Variants in TLE4 observed in about 807,000 individuals in gnomAD.
TLE4 encodes TLE family member 4, transcriptional corepressor, also known as transducin-like enhancer protein 4.
In TLE4, 8 loss-of-function variants were observed where a neutral mutation model predicts 92.8. The ratio of observed to expected loss-of-function variants is 0.09; its 90% CI spans 0.05 to 0.16. The LOEUF is 0.16. Among genes scored for constraint, TLE4 ranks in the 10% least tolerant of loss-of-function variants. The probability of loss-of-function intolerance (pLI) is 1.00; values close to 1 mark genes in which losing one functional copy is unlikely to be tolerated. For synonymous variants in TLE4, 371 were observed against 374.1 expected (o/e 0.99, Z 0.10); for missense variants, 675 against 997.6 (o/e 0.68, Z 4.36).
chr9:79,713,877 T>A (rs2073928681), intron 14 of TLE4, among the ~76,000 whole-genome samples: 1 of 152,022 alleles, frequency 6.6e-6, no homozygotes, highest in African/African-American at 2.4e-5. Context: ...TTGTTGTTGT[T>A]GTTTGAGAGA....
At chr9:79,689,902 C>T (rs2066699797) in intron 8 of TLE4, among the ~76,000 whole-genome samples, 1 of 152,172 alleles carries the variant, frequency 6.6e-6, no homozygotes, top group Non-Finnish European at 1.5e-5. Context: ...AGGCCACTTA[C>T]TTAAGCCTAC....
chr9:79,685,402 C>A (rs1360217993), intron 8 of TLE4, among the ~76,000 whole-genome samples: 2 of 151,982 alleles, frequency 1.3e-5, no homozygotes, highest in African/African-American at 4.8e-5. Flanking sequence ...ATTTAAAAAC[C>A]CCTCACATGA....
chr9:79,691,864 A>T (rs945272394), intron 8 of TLE4, among the ~76,000 whole-genome samples: 1 of 152,038 alleles, frequency 6.6e-6, no homozygotes, highest in Non-Finnish European at 1.5e-5. Flanking sequence ...CATTTATTTT[A>T]TTTTTTATTA....
chr9:79,600,675 CT>C (rs1192650346), intron 4 of TLE4, among the ~76,000 whole-genome samples: 1 of 152,122 alleles, frequency 6.6e-6, no homozygotes, highest in East Asian at 1.9e-4. Context: ...ACTCTTGGAC[CT>C]TGTTCAGAAG....
intron 1 of TLE4, chr9:79,573,339 G>C: frequency 1.8e-6 from 2 of 1,088,764 alleles, no homozygotes. Context: ...GCCATGGCGC[G>C]GGTCCCCCCG....
rs755567495 is a variant in TLE4 at position 79,572,808 on chromosome 9, C to T, written c.18C>T (p.Ser6=). ...CGGCTTGGATGATTCGCGACCTGAG[C>T]AAGATGTACCCGCAGACCAGACACC... MIRDL[S]KMYPQTRHPA... Residue 6 remains serine (S), a synonymous_variant, in exon 1 of 20, where the codon AGC becomes AGT. Coordinates refer to ENST00000376552, the MANE Select transcript of TLE4 (RefSeq NM_007005.6). 13 of 1,600,394 alleles carry T rather than the reference C, an allele frequency of 8.1e-6. No homozygotes were observed. Among genetic ancestry groups the T allele is most frequent in the Non-Finnish European group, 1.1e-5 (13 of 1,174,390 alleles).
At chr9:79,613,143 A>T (rs931590080) in intron 5 of TLE4, among the ~76,000 whole-genome samples, 1 of 152,156 alleles carries the variant, frequency 6.6e-6, no homozygotes, top group African/African-American at 2.4e-5. Context: ...AAACAAACTA[A>T]TGAAGCTTTT....
chr9:79,704,041 A>C (rs2070762787), intron 8 of TLE4, among the ~76,000 whole-genome samples: 1 of 152,078 alleles, frequency 6.6e-6, no homozygotes, highest in African/African-American at 2.4e-5. Context: ...CTTTAAAAAC[A>C]AAACAAAACA....
chr9:79,720,377 G>GGTGTGTGTGTGT, intron 16 of TLE4, 84 bp downstream of exon 16: 1 of 289,984 alleles, frequency 3.4e-6, no homozygotes, highest in East Asian at 7.0e-5. Context: ...TATAGGTATG[G>GGTGTGTGTGTGT]GTGTGTGTGT....
At chr9:79,573,010 C>A (rs1016845555) in intron 1 of TLE4, among the ~76,000 whole-genome samples, 175 bp downstream of exon 1, 5 of 152,012 alleles carry the variant, frequency 3.3e-5, no homozygotes, top group African/African-American at 1.2e-4. Context: ...CGCGGTGGCC[C>A]TCGGAGGGGG....
intron 6 of TLE4, among the ~76,000 whole-genome samples, chr9:79,641,309 T>C (rs901590450): frequency 2.6e-5 from 4 of 152,060 alleles, no homozygotes; most frequent in African/African-American, 9.7e-5. Context: ...AGAAGTTATT[T>C]GCAACACATG....
At chr9:79,606,184 G>GTTTTT (rs1288414778) in intron 4 of TLE4, among the ~76,000 whole-genome samples, 16 of 18,374 alleles carry the variant, frequency 8.7e-4, no homozygotes, top group African/African-American at 1.1e-3. Flanking sequence ...AGCAGTAGTA[G>GTTTTT]TTGTTTTTTT....
chr9:79,605,611 G>A (rs1287589177), intron 4 of TLE4, among the ~76,000 whole-genome samples: 1 of 152,008 alleles, frequency 6.6e-6, no homozygotes, highest in Non-Finnish European at 1.5e-5. Context: ...AAATGCTTCA[G>A]TAAAATATAG....
intron 4 of TLE4, among the ~76,000 whole-genome samples, chr9:79,608,623 T>TTA (rs1490198790): frequency 6.6e-6 from 1 of 152,056 alleles, no homozygotes; most frequent in African/African-American, 2.4e-5. Flanking sequence ...TGGTAAAAAG[T>TTA]TATTCTTCAG....
rs1038701824 is a variant in TLE4, at chr9:79,572,691, G to A, written c.-100G>A. The stretch of plus-strand genomic sequence containing the variant: ...GACCGCCCGAGCCGCCCCTCAGACC[G>A]AGCCGGCCGCCTCCGCTGCCGCGGC... On this transcript the variant is annotated 5_prime_UTR_variant, in exon 1 of 20. Coordinates refer to ENST00000376552, the MANE Select transcript of TLE4 (RefSeq NM_007005.6). The A allele has an allele frequency of 8.4e-6, 11 of 1,313,102 alleles. No homozygotes were observed. The African/African-American group carries it at 1.5e-4, about 18-fold the overall frequency. The allele number at this position is 1,313,102 out of a possible 1,614,324, so 81.3% of individuals were successfully genotyped here.
intron 4 of TLE4, among the ~76,000 whole-genome samples, chr9:79,580,973 CTATG>C (rs989404925): frequency 5.3e-5 from 8 of 152,048 alleles, no homozygotes; most frequent in East Asian, 1.9e-4. Context: ...AATTATAAGA[CTATG>C]TGTGTGGGGG....
intron 4 of TLE4, among the ~76,000 whole-genome samples, chr9:79,604,814 A>G (rs1017423765): frequency 4.6e-5 from 7 of 152,142 alleles, no homozygotes; most frequent in African/African-American, 1.7e-4. Context: ...GTCTTTAGGT[A>G]TTTCTCACAT....
At chr9:79,647,660 G>C (rs1443972117) in intron 6 of TLE4, among the ~76,000 whole-genome samples, 1 of 152,042 alleles carries the variant, frequency 6.6e-6, no homozygotes, top group Admixed American at 6.5e-5. Flanking sequence ...TAATCTGTTT[G>C]CATACCTACT....
intron 8 of TLE4, among the ~76,000 whole-genome samples, chr9:79,682,762 G>A (rs1300683357): frequency 6.6e-6 from 1 of 152,152 alleles, no homozygotes; most frequent in Non-Finnish European, 1.5e-5. Context: ...AGCATCTCAG[G>A]GTGGTAAAAT....
Sources: allele counts gnomAD v4.1 joint callset (sites outside exome capture counted in the v4.1 genomes callset), GRCh38; gene constraint gnomAD v4.1.1; transcripts MANE v1.5; gene names NCBI Gene and HGNC (gene_info 2026-07-23, HGNC 2026-07-21).